GDA: variants seen among roughly 807,000 people sequenced by gnomAD.
GDA encodes cytoplasmic PSD-95 interactor.
In GDA, 18 loss-of-function variants were observed where a neutral mutation model predicts 59.6. That is an observed-to-expected ratio of 0.30 (90% CI 0.21 to 0.45). The LOEUF (loss-of-function observed/expected upper bound fraction) is 0.45, where lower values mean the gene tolerates loss of function less well. Ranked by LOEUF, GDA falls within the 20% of genes least tolerant of loss-of-function variation. The probability of loss-of-function intolerance (pLI) is 1.00; values close to 1 mark genes in which losing one functional copy is unlikely to be tolerated. For missense variants in GDA, 427 were observed against 552.3 expected, an observed-to-expected ratio of 0.77 and a Z score of 2.27; for synonymous variants, 201 against 201.1, an observed-to-expected ratio of 1.00 and a Z score of 0.00.
At chr9:72,213,837 G>A (rs1835743727) in intron 4 of GDA, 49 bp from the exon 5 acceptor site, 2 of 992,030 alleles carry the variant, frequency 2.0e-6, no homozygotes, top group Non-Finnish European at 1.6e-6. Flanking sequence ...AAAAAGTACT[G>A]TTTCAGAAAC....
intron 5 of GDA, among the ~76,000 whole-genome samples, chr9:72,217,119 TG>T (rs1244166942): frequency 6.6e-6 from 1 of 152,220 alleles, no homozygotes; most frequent in Non-Finnish European, 1.5e-5. Flanking sequence ...GTGAATTTTA[TG>T]GTATGTAAAT....
intron 6 of GDA, among the ~76,000 whole-genome samples, 155 bp downstream of exon 6, chr9:72,219,661 C>T (rs1836605464): frequency 6.6e-6 from 1 of 152,166 alleles, no homozygotes; most frequent in African/African-American, 2.4e-5. Context: ...TGTGGACTGT[C>T]ACTGTCAGCT....
chr9:72,213,283 A>C (rs1464760615), intron 4 of GDA, among the ~76,000 whole-genome samples: 1 of 152,018 alleles, frequency 6.6e-6, no homozygotes, highest in Non-Finnish European at 1.5e-5. Flanking sequence ...AAAACAAACA[A>C]ACAAACAAAA....
At chr9:72,240,738 G>A (rs1474261958) in intron 10 of GDA, among the ~76,000 whole-genome samples, 3 of 152,154 alleles carry the variant, frequency 2.0e-5, no homozygotes, top group Non-Finnish European at 2.9e-5. Context: ...TTGGAGTGAT[G>A]CTGCCACAAG....
chr9:72,202,936 G>T lies in GDA; in HGVS notation c.384+194G>T, dbSNP rs77854645. 8.4e-3 allele frequency among the ~76,000 whole-genome samples: 1,273 copies of T among 152,316 alleles called. 26 individuals are homozygous for T. Among genetic ancestry groups the T allele is most frequent in the East Asian group, 0.055 (286 of 5,182 alleles). On this transcript the variant is annotated intron_variant, in intron 3 of 13. Transcript: ENST00000358399. ...ACACAGCTAGTCAGTGGCAAAGAGAGAATTTGAATCCAAGTTTCCAAAACC... is the reference window on the plus strand; with the variant it reads ...ACACAGCTAGTCAGTGGCAAAGAGATAATTTGAATCCAAGTTTCCAAAACC...
intron 9 of GDA, among the ~76,000 whole-genome samples, chr9:72,230,536 T>A (rs1838219819): frequency 6.6e-6 from 1 of 151,628 alleles, no homozygotes; most frequent in Non-Finnish European, 1.5e-5. Flanking sequence ...GGCACATCTC[T>A]TTAGCTCAGA....
intron 3 of GDA, among the ~76,000 whole-genome samples, chr9:72,203,136 A>G (rs1057048051): frequency 1.3e-5 from 2 of 152,166 alleles, no homozygotes; most frequent in Admixed American, 1.3e-4. Flanking sequence ...TCCCATCTGT[A>G]AAAAATAGAG....
downstream of GDA, among the ~76,000 whole-genome samples, chr9:72,253,034 T>C (rs193126954): frequency 6.6e-6 from 1 of 152,160 alleles, no homozygotes; most frequent in Non-Finnish European, 1.5e-5. Context: ...CTAAATCAAG[T>C]GATATTACGG....
chr9:72,255,048 C>T (rs1189646259), downstream of GDA, among the ~76,000 whole-genome samples: 2 of 152,124 alleles, frequency 1.3e-5, no homozygotes, highest in African/African-American at 4.8e-5. Context: ...TGGAGCTTTG[C>T]CCAGGAAGGT....
chr9:72,149,475 G>A lies in GDA; in HGVS notation c.-85G>A, dbSNP rs1826866889. ...CGGAGCCTGTGTCCGCCCGGCAGCC[G>A]CCCGCAGCTGCAGAGAGTCCCGCTG... On this transcript the variant is annotated 5_prime_UTR_variant, in exon 1 of 14. Coordinates refer to ENST00000358399, the MANE Select transcript of GDA (RefSeq NM_004293.5). 1.1e-5 allele frequency: 17 copies of A among 1,513,916 alleles called. No individual in the cohort carries two copies. Among genetic ancestry groups the A allele is most frequent in the Admixed American group, 5.5e-5 (3 of 54,128 alleles). 93.8% of individuals were successfully genotyped at this position (1,513,916 alleles called of 1,614,324 possible).
chr9:72,208,792 A>G (rs78858783), intron 3 of GDA, among the ~76,000 whole-genome samples: 5,244 of 152,326 alleles, frequency 0.034, 125 homozygotes, highest in Middle Eastern at 0.082. Flanking sequence ...GTGACAAACA[A>G]CTTATATGTA....
At chr9:72,231,409 CA>C (rs1485579423) in intron 10 of GDA, among the ~76,000 whole-genome samples, 4 of 151,574 alleles carry the variant, frequency 2.6e-5, no homozygotes, top group African/African-American at 4.9e-5. Context: ...TACTAAAATA[CA>C]AAAAAATAGC....
At chr9:72,135,412 A>C (rs549575503) in intron 1 of GDA, among the ~76,000 whole-genome samples, 72 of 152,308 alleles carry the variant, frequency 4.7e-4, no homozygotes, top group African/African-American at 1.7e-3. Flanking sequence ...TCTCATGCTG[A>C]GAAAGTGGGA....
chr9:72,184,521 C>T (rs1334407731), intron 1 of GDA, among the ~76,000 whole-genome samples: 7 of 152,142 alleles, frequency 4.6e-5, no homozygotes, highest in Non-Finnish European at 8.8e-5. Context: ...TATGTATTTT[C>T]GTGGCTTAAT....
chr9:72,163,906 A>T (rs1031808159), intron 1 of GDA, among the ~76,000 whole-genome samples: 38 of 152,152 alleles, frequency 2.5e-4, no homozygotes, highest in Admixed American at 1.4e-3. Flanking sequence ...CTTGCATAGA[A>T]TTACGTTCTT....
At chr9:72,227,904 G>A (rs777479638) in intron 8 of GDA, 39 bp from the exon 9 acceptor site, 1 of 1,070,478 alleles carries the variant, frequency 9.3e-7, no homozygotes, top group East Asian at 2.4e-5. Flanking sequence ...TTAATCATTT[G>A]TGAGCGGTAA....
chr9:72,175,801 A>G (rs767395319), intron 1 of GDA, among the ~76,000 whole-genome samples: 6 of 152,206 alleles, frequency 3.9e-5, no homozygotes, highest in African/African-American at 7.2e-5. Flanking sequence ...TCCTTCAATA[A>G]TAGGAACTAG....
chr9:72,167,571 C>G (rs776549497), intron 1 of GDA, among the ~76,000 whole-genome samples: 1 of 152,212 alleles, frequency 6.6e-6, no homozygotes, highest in Non-Finnish European at 1.5e-5. Flanking sequence ...AACTTTCTGT[C>G]CACCACTGGT....
At chr9:72,209,385 A>G (rs1396160504) in intron 3 of GDA, among the ~76,000 whole-genome samples, 2 of 152,030 alleles carry the variant, frequency 1.3e-5, no homozygotes, top group East Asian at 1.9e-4. Context: ...CTTGTAATTT[A>G]TCCTACAACC....
Sources: allele counts gnomAD v4.1 joint callset (sites outside exome capture counted in the v4.1 genomes callset), GRCh38; gene constraint gnomAD v4.1.1; transcripts MANE v1.5; gene names NCBI Gene and HGNC (gene_info 2026-07-23, HGNC 2026-07-21).